The following TENM3 variants were observed in gnomAD, a reference collection of about 807,000 sequenced individuals.
The protein encoded by TENM3 is teneurin-3.
A neutral mutation model predicts 255.1 loss-of-function variants in TENM3; 63 were observed. The observed-to-expected ratio is 0.25, with a 90% CI of 0.20 to 0.30. The LOEUF is 0.30. Ranked by LOEUF, TENM3 falls within the 10% of genes least tolerant of loss-of-function variation. The pLI, the probability that TENM3 is intolerant of heterozygous loss-of-function variation, is 1.00. For synonymous variants in TENM3, 1,306 were observed against 1,322.3 expected, an observed-to-expected ratio of 0.99 and a Z score of 0.27; for missense variants, 2,929 against 3,461.1, an observed-to-expected ratio of 0.85 and a Z score of 3.86.
the TENM3 span, among the ~76,000 whole-genome samples, chr4:182,039,876 G>T: frequency 1.3e-5 from 2 of 148,576 alleles, no homozygotes; most frequent in East Asian, 2.0e-4. Flanking sequence ...TGGGAAGGGA[G>T]GGAGGGAGAA....
the TENM3 span, among the ~76,000 whole-genome samples, chr4:181,697,447 G>T: frequency 7.2e-3 from 1,089 of 152,268 alleles, 12 homozygotes; most frequent in African/African-American, 0.025. Context: ...AGGCTGGAGT[G>T]CAGTGGCGTG....
At chr4:182,203,580 G>C (rs2597122) in intron 1 of TENM3, among the ~76,000 whole-genome samples, 138,470 of 152,254 alleles carry the variant, frequency 0.91, 63,370 homozygotes, top group Non-Finnish European at 0.96. Flanking sequence ...ACAGACTTGA[G>C]TTGGAGCAGC....
the TENM3 span, among the ~76,000 whole-genome samples, chr4:181,853,395 G>A: frequency 1.3e-5 from 2 of 152,214 alleles, no homozygotes; most frequent in Non-Finnish European, 2.9e-5. Context: ...ACTATATTGG[G>A]TTACATGTAT....
At chr4:182,785,030 G>C (rs968609333) in intron 24 of TENM3, among the ~76,000 whole-genome samples, 1 of 152,150 alleles carries the variant, frequency 6.6e-6, no homozygotes, top group Non-Finnish European at 1.5e-5. Context: ...CTCTCATGCT[G>C]GGAGCTGTAG....
At chr4:182,747,883 A>G (rs912154168) in intron 19 of TENM3, among the ~76,000 whole-genome samples, 3 of 152,234 alleles carry the variant, frequency 2.0e-5, no homozygotes, top group African/African-American at 4.8e-5. Flanking sequence ...TTTGGTTACC[A>G]TAAAAGAAGC....
At chr4:181,660,510 A>G in the TENM3 span, among the ~76,000 whole-genome samples, 1 of 152,170 alleles carries the variant, frequency 6.6e-6, no homozygotes, top group Non-Finnish European at 1.5e-5. Flanking sequence ...CATGATAGCA[A>G]TTGGAAAAAC....
chr4:182,092,053 A>C, the TENM3 span, among the ~76,000 whole-genome samples: 1 of 152,338 alleles, frequency 6.6e-6, no homozygotes. Context: ...CATCAAGAAT[A>C]AACTACAAGG....
chr4:181,918,705 T>TA, the TENM3 span, among the ~76,000 whole-genome samples: 41 of 151,032 alleles, frequency 2.7e-4, no homozygotes, highest in East Asian at 3.9e-3. Flanking sequence ...ACTTCTCCTT[T>TA]AAAAAAAAAG....
chr4:182,661,486 A>G (rs1241169859), intron 6 of TENM3, among the ~76,000 whole-genome samples: 18 of 152,076 alleles, frequency 1.2e-4, no homozygotes, highest in Admixed American at 1.2e-3. Context: ...TTTGTTCAAT[A>G]GTGTTCATAG....
chr4:181,607,413 A>ATTTTT, the TENM3 span, among the ~76,000 whole-genome samples: 2 of 147,546 alleles, frequency 1.4e-5, no homozygotes, highest in African/African-American at 2.5e-5. Context: ...TTGGCATTTA[A>ATTTTT]TTTTTTTTTT....
At chr4:182,060,554 G>C in the TENM3 span, among the ~76,000 whole-genome samples, 1 of 152,170 alleles carries the variant, frequency 6.6e-6, no homozygotes, top group Non-Finnish European at 1.5e-5. Flanking sequence ...CCTGCTGTGT[G>C]GCCCAGTTGC....
intron 3 of TENM3, among the ~76,000 whole-genome samples, chr4:182,374,473 T>A (rs938523228): frequency 1.3e-5 from 2 of 152,204 alleles, no homozygotes; most frequent in African/African-American, 4.8e-5. Flanking sequence ...AATCACATGA[T>A]GAGTTGTGTT....
chr4:181,610,875 A>C, the TENM3 span, among the ~76,000 whole-genome samples: 1 of 152,160 alleles, frequency 6.6e-6, no homozygotes, highest in South Asian at 2.1e-4. Context: ...TCCGACCAAA[A>C]GATTGCAAAA....
chr4:181,528,053 G>A, the TENM3 span, among the ~76,000 whole-genome samples: 1 of 151,760 alleles, frequency 6.6e-6, no homozygotes, highest in Non-Finnish European at 1.5e-5. Flanking sequence ...TGTGTAAGGC[G>A]TAAATCCTTA....
the TENM3 span, among the ~76,000 whole-genome samples, chr4:181,553,913 C>G: frequency 3.9e-5 from 6 of 152,116 alleles, no homozygotes; most frequent in Non-Finnish European, 5.9e-5. Context: ...GCTCCATCCC[C>G]CCGCTCTCTG....
In TENM3 at chr4:182,793,935, T is replaced by C. The variant is rs1404843980; in HGVS notation, c.7213+50T>C. On this transcript the variant is annotated intron_variant, in intron 26 of 27. Coordinates refer to ENST00000511685, the MANE Select transcript of TENM3 (RefSeq NM_001080477.4). The surrounding 1 kb of genome is among the most constrained non-coding windows in gnomAD (Gnocchi z 5.7). Reference sequence around the variant, plus strand: ...GAGCTGGAGGACTACCATCATTAGATTAATACACAAAATAACTGGAAATGC... The same window carrying C: ...GAGCTGGAGGACTACCATCATTAGACTAATACACAAAATAACTGGAAATGC... 6.8e-7 allele frequency: 1 copy of C among 1,470,608 alleles called. No homozygotes were observed. Among genetic ancestry groups the C allele is most frequent in the East Asian group, 2.3e-5 (1 of 43,634 alleles). The allele number at this position is 1,470,608 out of a possible 1,614,324, so 91.1% of individuals were successfully genotyped here.
chr4:182,318,294 T>C (rs1762861920), intron 1 of TENM3, among the ~76,000 whole-genome samples: 1 of 152,120 alleles, frequency 6.6e-6, no homozygotes, highest in Admixed American at 6.5e-5. Flanking sequence ...CTACAATTGA[T>C]GTTAGGGATG....
Position 182,324,048 on chromosome 4 carries a change from T to A in TENM3, c.28T>A (p.Cys10Ser), listed in dbSNP as rs1053898021. 6.2e-7 allele frequency: 1 copy of A among 1,613,846 alleles called. No homozygotes were observed. The highest frequency in any genetic ancestry group is 8.5e-7 in the Non-Finnish European group (1 of 1,179,892). MDVKERRPY[C>S]SLTKSRREKE... ...GGATGTGAAAGAACGCAGGCCTTACTGCTCCCTGACCAAGAGCAGACGAGA... is the reference window on the plus strand; with the variant it reads ...GGATGTGAAAGAACGCAGGCCTTACAGCTCCCTGACCAAGAGCAGACGAGA... The change falls in exon 2 of 28, where the codon TGC becomes AGC. Residue 10 changes from cysteine to serine, a missense_variant. By Grantham distance (112) the Cys-to-Ser change is moderately radical. Coordinates refer to ENST00000511685, the MANE Select transcript of TENM3 (RefSeq NM_001080477.4).
At chr4:182,419,416 T>C (rs1038216651) in intron 3 of TENM3, among the ~76,000 whole-genome samples, 6 of 152,198 alleles carry the variant, frequency 3.9e-5, no homozygotes, top group African/African-American at 1.2e-4. Flanking sequence ...TTTTACACTG[T>C]TGGTGGGAGT....
Sources: allele counts gnomAD v4.1 joint callset (sites outside exome capture counted in the v4.1 genomes callset), GRCh38; gene constraint gnomAD v4.1.1; non-coding constraint Gnocchi (gnomAD v3.1); transcripts MANE v1.5; gene names NCBI Gene and HGNC (gene_info 2026-07-23, HGNC 2026-07-21).